Variants in AP2B1 observed in about 807,000 individuals in gnomAD.
AP2B1 encodes AP-2 complex subunit beta.
AP2B1 carries 23 observed loss-of-function variants against 102.0 expected under a neutral mutation model. The ratio of observed to expected loss-of-function variants is 0.23; its 90% CI spans 0.16 to 0.32. The LOEUF is 0.32. Among genes scored for constraint, AP2B1 ranks in the 10% least tolerant of loss-of-function variants. AP2B1 has a pLI of 1.00. For missense variants in AP2B1, 541 were observed against 1,157.4 expected (o/e 0.47, Z 7.73); for synonymous variants, 381 against 421.2 (o/e 0.90, Z 1.17).
At chr17:35,672,468 AG>A (rs1453157839) in intron 16 of AP2B1, among the ~76,000 whole-genome samples, 2 of 152,198 alleles carry the variant, frequency 1.3e-5, no homozygotes, top group Non-Finnish European at 2.9e-5. Context: ...CCTTGGGAAA[AG>A]CACCATCCAG....
At chr17:35,671,574 C>G (rs4796101) in intron 15 of AP2B1, among the ~76,000 whole-genome samples, 180 bp from the exon 16 acceptor site, 3 of 152,154 alleles carry the variant, frequency 2.0e-5, no homozygotes, top group Non-Finnish European at 4.4e-5. Flanking sequence ...TTATCAATGA[C>G]GAAAAAATAA....
intron 14 of AP2B1, among the ~76,000 whole-genome samples, chr17:35,666,256 T>G (rs934426580): frequency 6.6e-6 from 1 of 150,822 alleles, no homozygotes; most frequent in African/African-American, 2.4e-5. Flanking sequence ...GTCCAGTTAC[T>G]GAACATTATT....
At chr17:35,696,646 T>TGGCCTC (rs2076147725) in intron 18 of AP2B1, among the ~76,000 whole-genome samples, 1 of 151,954 alleles carries the variant, frequency 6.6e-6, no homozygotes, top group African/African-American at 2.4e-5. Context: ...ACCTCAGCTT[T>TGGCCTC]CCAAAGTGCT....
intron 14 of AP2B1, among the ~76,000 whole-genome samples, chr17:35,660,394 A>C (rs1056872793): frequency 1.3e-5 from 2 of 152,054 alleles, no homozygotes; most frequent in African/African-American, 4.8e-5. Context: ...AGGACATAGA[A>C]TATCTTGTGA....
At chr17:35,620,542 T>C (rs1003413519) in intron 5 of AP2B1, among the ~76,000 whole-genome samples, 10 of 152,158 alleles carry the variant, frequency 6.6e-5, no homozygotes, top group African/African-American at 2.2e-4. Context: ...TGGCTGGGTA[T>C]GGTGACTCAC....
intron 15 of AP2B1, among the ~76,000 whole-genome samples, chr17:35,671,532 C>T (rs1466519397): frequency 6.6e-6 from 1 of 152,118 alleles, no homozygotes; most frequent in Non-Finnish European, 1.5e-5. Flanking sequence ...ACTGAGTACT[C>T]TCTTGATAAA....
At chr17:35,720,460 T>A (rs1360097651) in intron 21 of AP2B1, among the ~76,000 whole-genome samples, 2 of 147,504 alleles carry the variant, frequency 1.4e-5, no homozygotes, top group Non-Finnish European at 3.0e-5. Flanking sequence ...ATGGAATAAA[T>A]GCAAATAAAA....
At chr17:35,610,183 C>T (rs974871685) in intron 5 of AP2B1, among the ~76,000 whole-genome samples, 3 of 150,940 alleles carry the variant, frequency 2.0e-5, no homozygotes, top group Non-Finnish European at 4.4e-5. Context: ...GTCACTCTGT[C>T]GCCCAGTCTG....
intron 17 of AP2B1, among the ~76,000 whole-genome samples, chr17:35,677,146 C>T (rs2075720046): frequency 6.6e-6 from 1 of 152,114 alleles, no homozygotes; most frequent in Admixed American, 6.6e-5. Flanking sequence ...TGTACCACCA[C>T]ACCCAGCTAA....
rs225270 is a variant in AP2B1 at position 35,641,852 on chromosome 17, A to G, written c.1438-25A>G. On this transcript the variant is annotated intron_variant, in intron 11 of 21. Transcript: ENST00000610402. ...AATAATGCCAGTGCCATTCTTTCAC[A>G]CTATCACAAATTATGTCTGTTTAGG... is the stretch of plus-strand genomic sequence containing the variant. The G allele has an allele frequency of 3.9e-6, 6 of 1,554,736 alleles. No homozygotes were observed. The Admixed American group carries it at 8.4e-5, about 22-fold the overall frequency.
chr17:35,597,077 C>T (rs1017835443), intron 2 of AP2B1: 3 of 550,240 alleles, frequency 5.5e-6, no homozygotes, highest in Non-Finnish European at 1.0e-5. Context: ...GACCCCTGGG[C>T]GCCCCCGCTC....
chr17:35,701,674 T>C (rs1349931479), intron 18 of AP2B1, among the ~76,000 whole-genome samples: 3 of 152,188 alleles, frequency 2.0e-5, no homozygotes, highest in Non-Finnish European at 4.4e-5. Flanking sequence ...GCAGTCATAG[T>C]TCACTGTAAC....
rs587697502 is a variant in AP2B1 at position 35,684,232 on chromosome 17, T to C, written c.2454+1408T>C. 3.5e-4 allele frequency among the ~76,000 whole-genome samples: 53 copies of C among 152,204 alleles called. 1 individual carries two copies. Among genetic ancestry groups the C allele is most frequent in the African/African-American group, 1.2e-3 (49 of 41,522 alleles). On this transcript the variant is annotated intron_variant, in intron 18 of 21. Transcript: ENST00000610402. ...CACTGTGAAGGATAGTCAAAAGACATTGCAAAGAGGAGGACTGGTACTGTC... is the reference window on the plus strand; with the variant it reads ...CACTGTGAAGGATAGTCAAAAGACACTGCAAAGAGGAGGACTGGTACTGTC...
intron 20 of AP2B1, among the ~76,000 whole-genome samples, chr17:35,710,653 T>TAATTACTTC (rs2076427550): frequency 6.6e-6 from 1 of 152,260 alleles, no homozygotes; most frequent in Non-Finnish European, 1.5e-5. Context: ...ACTCCCTTAG[T>TAATTACTTC]AATTGAAAGG....
At chr17:35,630,067 G>T (rs2074420938) in intron 9 of AP2B1, among the ~76,000 whole-genome samples, 1 of 152,208 alleles carries the variant, frequency 6.6e-6, no homozygotes, top group African/African-American at 2.4e-5. Flanking sequence ...AATTTGTACA[G>T]TATGACCAGT....
At chr17:35,708,583 G>A (rs1325560247) in intron 18 of AP2B1, among the ~76,000 whole-genome samples, 1 of 152,188 alleles carries the variant, frequency 6.6e-6, no homozygotes, top group African/African-American at 2.4e-5. Context: ...AGGTTTACCA[G>A]TGTTGGGCCA....
intron 5 of AP2B1, among the ~76,000 whole-genome samples, chr17:35,623,514 A>G (rs2074240031): frequency 6.6e-6 from 1 of 152,226 alleles, no homozygotes; most frequent in Admixed American, 6.5e-5. Flanking sequence ...CAGTGAGCCA[A>G]GATGTGTGCC....
At chr17:35,624,685 C>A (rs1356100160) in intron 6 of AP2B1, 98 bp downstream of exon 6, 2 of 1,134,632 alleles carry the variant, frequency 1.8e-6, no homozygotes, top group African/African-American at 1.6e-5. Context: ...AGGTCAGTGG[C>A]TTCTGGGGTA....
Position 35,629,389 on chromosome 17 carries a change from T to C in AP2B1, c.1155+1663T>C, listed in dbSNP as rs184940908. On this transcript the variant is annotated intron_variant, in intron 9 of 21. Transcript: ENST00000610402. The stretch of plus-strand genomic sequence containing the variant: ...CCTTCTCTTTTGCAGTCCTCTGTCT[T>C]CTTGTTTTTTCTACTCTGACTGATT... 5.3e-5 allele frequency among the ~76,000 whole-genome samples: 8 copies of C among 152,302 alleles called. No homozygotes were observed. The East Asian group carries it at 1.3e-3, about 26-fold the overall frequency.
Sources: allele counts gnomAD v4.1 joint callset (sites outside exome capture counted in the v4.1 genomes callset), GRCh38; gene constraint gnomAD v4.1.1; transcripts MANE v1.5; gene names NCBI Gene and HGNC (gene_info 2026-07-23, HGNC 2026-07-21).